The following SGIP1 variants were observed in gnomAD, a reference collection of about 807,000 sequenced individuals.
SGIP1 encodes SH3GL interacting endocytic adaptor 1.
SGIP1 carries 38 observed loss-of-function variants against 107.5 expected under a neutral mutation model. That is an observed-to-expected ratio of 0.35 (90% CI 0.27 to 0.46). The LOEUF is 0.46. Ranked by LOEUF, SGIP1 falls within the 20% of genes least tolerant of loss-of-function variation. The pLI is 1.00. For missense variants in SGIP1, 929 were observed against 1,019.5 expected, an observed-to-expected ratio of 0.91 and a Z score of 1.21; for synonymous variants, 365 against 366.1, an observed-to-expected ratio of 1.00 and a Z score of 0.03.
At chr1:66,590,658 A>C (rs927719091) in intron 1 of SGIP1, 1 of 152,226 alleles carries the variant, frequency 6.6e-6, no homozygotes, top group Non-Finnish European at 1.5e-5. Context: ...ATTCAGTGCT[A>C]AAACGAAATG....
intron 5 of SGIP1, among the ~76,000 whole-genome samples, chr1:66,641,727 C>A (rs1428145107): frequency 6.6e-6 from 1 of 152,132 alleles, no homozygotes; most frequent in Non-Finnish European, 1.5e-5. Flanking sequence ...TCATTCTAAT[C>A]CCAACAATGC....
chr1:66,667,207 C>T (rs775042840), intron 8 of SGIP1, among the ~76,000 whole-genome samples: 1 of 151,868 alleles, frequency 6.6e-6, no homozygotes, highest in African/African-American at 2.4e-5. Context: ...TGGAGAAAAA[C>T]TTCTACGGCA....
At chr1:66,561,873 C>A (rs1197558706) in intron 1 of SGIP1, among the ~76,000 whole-genome samples, 2 of 152,010 alleles carry the variant, frequency 1.3e-5, no homozygotes, top group African/African-American at 4.8e-5. Flanking sequence ...TTTCTACATT[C>A]AGCGTTATAG....
At chr1:66,642,053 A>G (rs1215068753) in intron 5 of SGIP1, among the ~76,000 whole-genome samples, 2 of 152,208 alleles carry the variant, frequency 1.3e-5, no homozygotes, top group African/African-American at 4.8e-5. Context: ...CCCCAAGGCT[A>G]TCCTGGAACA....
chr1:66,537,710 T>A (rs1413497932), intron 1 of SGIP1, among the ~76,000 whole-genome samples: 1 of 152,108 alleles, frequency 6.6e-6, no homozygotes, highest in Non-Finnish European at 1.5e-5. Context: ...AATTACAATA[T>A]TCAGGATAAT....
intron 18 of SGIP1, among the ~76,000 whole-genome samples, chr1:66,695,877 T>C (rs1557662241): frequency 6.6e-6 from 1 of 152,224 alleles, no homozygotes; most frequent in Non-Finnish European, 1.5e-5. Context: ...TTTTGGTTGG[T>C]ATTGGTATTT....
intron 4 of SGIP1, among the ~76,000 whole-genome samples, chr1:66,637,856 C>T (rs1460810638): frequency 6.7e-6 from 1 of 148,664 alleles, no homozygotes; most frequent in African/African-American, 2.5e-5. Context: ...TATATACATA[C>T]ACACATACAT....
Position 66,748,951 on chromosome 1 carries a change from T to C in SGIP1, c.*5856T>C, listed in dbSNP as rs560290833. 1.3e-4 allele frequency among the ~76,000 whole-genome samples: 20 copies of C among 152,118 alleles called. No homozygotes were observed. The highest frequency in any genetic ancestry group is 4.3e-4 in the African/African-American group (18 of 41,580). Reference sequence around the variant, plus strand: ...CTTTGGAAAAGTTTTCTTTTAACACTAGTTTATATATCCTTCAATAATTGT... The same window carrying C: ...CTTTGGAAAAGTTTTCTTTTAACACCAGTTTATATATCCTTCAATAATTGT... On this transcript the variant is annotated 3_prime_UTR_variant, in exon 25 of 25. Transcript: ENST00000371037.
intron 17 of SGIP1, chr1:66,694,661 C>G: frequency 2.1e-6 from 1 of 465,374 alleles, no homozygotes; most frequent in Non-Finnish European, 3.6e-6. Context: ...TCATGGAACT[C>G]GTGCCACTGA....
chr1:66,575,575 G>A (rs2060950332), intron 1 of SGIP1, among the ~76,000 whole-genome samples: 1 of 152,118 alleles, frequency 6.6e-6, no homozygotes, highest in African/African-American at 2.4e-5. Context: ...GTGGCTCATT[G>A]TGGGTCTTCA....
At chr1:66,718,547 A>G (rs2093365989) in intron 18 of SGIP1, among the ~76,000 whole-genome samples, 1 of 152,138 alleles carries the variant, frequency 6.6e-6, no homozygotes, top group African/African-American at 2.4e-5. Context: ...TAAAATGGGA[A>G]TAATCATACC....
chr1:66,556,909 C>T (rs2058262239), intron 1 of SGIP1, among the ~76,000 whole-genome samples: 1 of 152,124 alleles, frequency 6.6e-6, no homozygotes, highest in East Asian at 1.9e-4. Context: ...AAGAGAATGT[C>T]AGCCTGGTTG....
intron 21 of SGIP1, 59 bp downstream of exon 21, chr1:66,733,939 C>T: frequency 6.6e-7 from 1 of 1,516,150 alleles, no homozygotes; most frequent in Non-Finnish European, 8.9e-7. Context: ...TTCTAAAGTA[C>T]CTACTATTGA....
chr1:66,710,683 A>G (rs2092856225), intron 18 of SGIP1, among the ~76,000 whole-genome samples: 1 of 152,222 alleles, frequency 6.6e-6, no homozygotes, highest in African/African-American at 2.4e-5. Flanking sequence ...CCATGCAAAT[A>G]CAGTGCATAT....
chr1:66,575,328 C>G (rs1195471136), intron 1 of SGIP1, among the ~76,000 whole-genome samples: 1 of 152,166 alleles, frequency 6.6e-6, no homozygotes, highest in Non-Finnish European at 1.5e-5. Context: ...TGTGCATCTA[C>G]AAGACCCCAT....
Position 66,712,805 on chromosome 1 carries a change from C to T in SGIP1, c.1631-6489C>T, listed in dbSNP as rs550404173. 4.3e-4 allele frequency among the ~76,000 whole-genome samples: 65 copies of T among 152,194 alleles called. 1 individual carries two copies. The highest frequency in any genetic ancestry group is 1.6e-3 in the African/African-American group (65 of 41,520). ...TGTCTACATGTGTACATCTGTGTGACCTTGCTTGGTAATGAGAGTCACAGA... is the reference window on the plus strand; with the variant it reads ...TGTCTACATGTGTACATCTGTGTGATCTTGCTTGGTAATGAGAGTCACAGA... On this transcript the variant is annotated intron_variant, in intron 18 of 24. Transcript: ENST00000371037.
chr1:66,595,813 C>T (rs12049347), intron 1 of SGIP1, among the ~76,000 whole-genome samples: 20,054 of 152,076 alleles, frequency 0.13, 1,987 homozygotes, highest in East Asian at 0.46. Flanking sequence ...GTTGAAAAGG[C>T]GAATCTCAAA....
intron 19 of SGIP1, among the ~76,000 whole-genome samples, chr1:66,723,712 G>A (rs1227580273): frequency 6.6e-6 from 1 of 151,990 alleles, no homozygotes; most frequent in African/African-American, 2.4e-5. Context: ...ATATTGTGTA[G>A]GCACCCTATA....
intron 1 of SGIP1, among the ~76,000 whole-genome samples, chr1:66,566,189 C>A (rs150041654): frequency 4.8e-4 from 73 of 152,008 alleles, no homozygotes; most frequent in African/African-American, 1.7e-3. Flanking sequence ...GTTTCCCTAG[C>A]GGTAAACAAC....
Sources: allele counts gnomAD v4.1 joint callset (sites outside exome capture counted in the v4.1 genomes callset), GRCh38; gene constraint gnomAD v4.1.1; transcripts MANE v1.5; gene names NCBI Gene and HGNC (gene_info 2026-07-23, HGNC 2026-07-21).